TANC1: variants seen among roughly 807,000 people sequenced by gnomAD.
TANC1 encodes tetratricopeptide repeat, ankyrin repeat and coiled-coil containing 1.
Under a neutral mutation model 149.7 loss-of-function variants are expected in TANC1, and 77 were observed. That is an observed-to-expected ratio of 0.51 (90% confidence interval 0.43 to 0.62). The LOEUF (loss-of-function observed/expected upper bound fraction) is 0.62, where lower values mean the gene tolerates loss of function less well. Among genes scored for constraint, TANC1 ranks in the 20% least tolerant of loss-of-function variants. The pLI is 0.00. For synonymous variants in TANC1, 854 were observed against 925.0 expected, an observed-to-expected ratio of 0.92 and a Z score of 1.39; for missense variants, 1,985 against 2,321.8, an observed-to-expected ratio of 0.85 and a Z score of 2.98.
At chr2:159,109,605 G>A (rs1483522469) in intron 4 of TANC1, among the ~76,000 whole-genome samples, 1 of 152,198 alleles carries the variant, frequency 6.6e-6, no homozygotes, top group Admixed American at 6.5e-5. Context: ...AATATTACAT[G>A]AGAAATTCTT....
rs997714006 is a variant in TANC1 at position 159,217,383 on chromosome 2, G to A, written c.3245-114G>A. 2.3e-5 allele frequency: 32 copies of A among 1,374,406 alleles called. No homozygotes were observed. The South Asian group carries it at 3.0e-4, about 13-fold the overall frequency. 85.1% of individuals were successfully genotyped at this position (1,374,406 alleles called of 1,614,324 possible). A position where few individuals can be genotyped will look rare whatever the true frequency, so the allele number is the denominator to read the frequency against. On this transcript the variant is annotated intron_variant, in intron 19 of 26. Transcript: ENST00000263635. ...TCACAGAGCCCCCGCAGGTTCAAAG[G>A]GGGAGGACATATAGACCCCATCTCC...
Position 159,138,427 on chromosome 2 carries a change from G to C in TANC1, c.364+2129G>C, listed in dbSNP as rs2051003652. Among the ~76,000 whole-genome samples, 4 of 151,968 alleles carry C rather than the reference G, an allele frequency of 2.6e-5. No individual in the cohort carries two copies. In the East Asian group the frequency reaches 7.7e-4, roughly 29 times the overall value. ...CGAACAGGACAATTAGTATAGAATGGTATGTTTTGTAATCCCCATGGAGTC... is the reference window on the plus strand; with the variant it reads ...CGAACAGGACAATTAGTATAGAATGCTATGTTTTGTAATCCCCATGGAGTC... On this transcript the variant is annotated intron_variant, in intron 5 of 26. Transcript: ENST00000263635.
intron 23 of TANC1, 158 bp downstream of exon 23, chr2:159,224,522 A>C: frequency 6.5e-6 from 5 of 774,458 alleles, no homozygotes; most frequent in Non-Finnish European, 1.0e-5. Flanking sequence ...ATTATACACA[A>C]TGTGTAAGTA....
Position 159,132,811 on chromosome 2 carries a change from C to G in TANC1, c.260-3383C>G, listed in dbSNP as rs947047900. Among the ~76,000 whole-genome samples, 12 of 151,864 alleles carry G rather than the reference C, an allele frequency of 7.9e-5. 1 individual carries two copies. Among genetic ancestry groups the G allele is most frequent in the Admixed American group, 6.6e-4 (10 of 15,240 alleles). On this transcript the variant is annotated intron_variant, in intron 4 of 26. Coordinates refer to ENST00000263635, the MANE Select transcript of TANC1 (RefSeq NM_033394.3). ...GCCAGGCCTGGGTACAGTATTTGAACCTAGGTCTGCCCAACTCATGAGTCC... is the reference window on the plus strand; with the variant it reads ...GCCAGGCCTGGGTACAGTATTTGAAGCTAGGTCTGCCCAACTCATGAGTCC...
At chr2:159,080,425 A>G (rs1574516816) in intron 3 of TANC1, among the ~76,000 whole-genome samples, 1 of 152,218 alleles carries the variant, frequency 6.6e-6, no homozygotes, top group Non-Finnish European at 1.5e-5. Flanking sequence ...GCCTGGCTCC[A>G]GGACCTGGAG....
At chr2:158,971,491 G>C (rs1347926440) in intron 1 of TANC1, among the ~76,000 whole-genome samples, 4 of 152,148 alleles carry the variant, frequency 2.6e-5, no homozygotes, top group Non-Finnish European at 5.9e-5. Flanking sequence ...TTGTGGGGAG[G>C]ATTTGTTTTA....
intron 2 of TANC1, among the ~76,000 whole-genome samples, chr2:159,022,630 C>G (rs60436412): frequency 6.6e-5 from 10 of 151,984 alleles, no homozygotes; most frequent in Admixed American, 1.3e-4. Context: ...CTGTTGTCCT[C>G]GGGAGGCTGA....
rs62171079 is a variant in TANC1 at position 159,117,969 on chromosome 2, C to G, written c.260-18225C>G. On this transcript the variant is annotated intron_variant, in intron 4 of 26. Coordinates refer to ENST00000263635, the MANE Select transcript of TANC1 (RefSeq NM_033394.3). ...AGTTTTTCTCTACTGGAGTTTTTCT[C>G]TACTGGAATTTTTCTGTACTGGAGT... is the stretch of plus-strand genomic sequence containing the variant. Among the ~76,000 whole-genome samples, 3 of 66,442 alleles carry G rather than the reference C, an allele frequency of 4.5e-5. No individual in the cohort carries two copies. The East Asian group carries it at 1.0e-3, about 22-fold the overall frequency. The allele number at this position is 66,442 out of a possible 152,430, so 43.6% of individuals were successfully genotyped here. A position where few individuals can be genotyped will look rare whatever the true frequency, so the allele number is the denominator to read the frequency against.
At chr2:158,979,617 T>C (rs905164090) in intron 1 of TANC1, among the ~76,000 whole-genome samples, 1 of 152,204 alleles carries the variant, frequency 6.6e-6, no homozygotes, top group African/African-American at 2.4e-5. Context: ...GAGCTTTGAT[T>C]TCAAGGTTTT....
chr2:159,052,795 A>C (rs1383435983), intron 2 of TANC1, among the ~76,000 whole-genome samples: 1 of 152,246 alleles, frequency 6.6e-6, no homozygotes, highest in Non-Finnish European at 1.5e-5. Context: ...TTTTTGTATC[A>C]TATTGTGGAA....
In TANC1 at chr2:159,020,815, T is replaced by C. The variant is rs569476877; in HGVS notation, c.-16+19626T>C. 3.3e-5 allele frequency among the ~76,000 whole-genome samples: 5 copies of C among 152,252 alleles called. No individual in the cohort carries two copies. In the East Asian group the frequency reaches 9.6e-4, roughly 29 times the overall value. On this transcript the variant is annotated intron_variant, in intron 2 of 26. Transcript: ENST00000263635. ...AGAACCCTCTGGACACACACATCTG[T>C]TGAGTTATATAGACAATCTTCTTGG...
chr2:158,975,302 G>C (rs185218494), intron 1 of TANC1, among the ~76,000 whole-genome samples: 6 of 152,128 alleles, frequency 3.9e-5, no homozygotes, highest in South Asian at 2.1e-4. Context: ...GGGTGTGGAG[G>C]GGGGTGACTG....
At chr2:159,069,143 C>G (rs551178894) in intron 3 of TANC1, among the ~76,000 whole-genome samples, 1 of 152,286 alleles carries the variant, frequency 6.6e-6, no homozygotes, top group African/African-American at 2.4e-5. Context: ...TGCATTTTTA[C>G]CTAGGAAATG....
chr2:159,171,470 A>G (rs984802319), intron 10 of TANC1, among the ~76,000 whole-genome samples: 10 of 146,610 alleles, frequency 6.8e-5, no homozygotes, highest in African/African-American at 2.5e-4. Context: ...CGTCTCTACA[A>G]AAAATTCACC....
chr2:159,077,872 G>A (rs1476861888), intron 3 of TANC1, among the ~76,000 whole-genome samples: 3 of 152,104 alleles, frequency 2.0e-5, no homozygotes, highest in Non-Finnish European at 2.9e-5. Flanking sequence ...TCTAGGTTTT[G>A]TCAAATTGTC....
At chr2:158,999,226 C>G (rs563981804) in intron 1 of TANC1, among the ~76,000 whole-genome samples, 5 of 152,152 alleles carry the variant, frequency 3.3e-5, no homozygotes, top group Non-Finnish European at 7.4e-5. Context: ...GATGGGCCCC[C>G]GAGGTACCAT....
chr2:159,181,978 A>G (rs530169131), intron 14 of TANC1, among the ~76,000 whole-genome samples: 1 of 152,082 alleles, frequency 6.6e-6, no homozygotes, highest in African/African-American at 2.4e-5. Flanking sequence ...AGATGGGTGG[A>G]TCACCTGAGG....
intron 2 of TANC1, among the ~76,000 whole-genome samples, chr2:159,050,130 A>G (rs2041361148): frequency 6.6e-6 from 1 of 152,150 alleles, no homozygotes; most frequent in African/African-American, 2.4e-5. Flanking sequence ...TTTTTTGTTT[A>G]AGAGCCTCAC....
intron 4 of TANC1, among the ~76,000 whole-genome samples, chr2:159,106,267 A>G (rs913367254): frequency 5.3e-5 from 8 of 151,664 alleles, no homozygotes; most frequent in Admixed American, 1.3e-4. Context: ...AACCAAAGCA[A>G]AAAAACCCCA....
Sources: allele counts gnomAD v4.1 joint callset (sites outside exome capture counted in the v4.1 genomes callset), GRCh38; gene constraint gnomAD v4.1.1; transcripts MANE v1.5; gene names NCBI Gene and HGNC (gene_info 2026-07-23, HGNC 2026-07-21).